The following ELFN2 variants were observed in gnomAD, a reference collection of about 807,000 sequenced individuals.
ELFN2 encodes protein phosphatase 1 regulatory subunit 29.
A neutral mutation model predicts 45.5 loss-of-function variants in ELFN2; 17 were observed. The ratio of observed to expected loss-of-function variants is 0.37; its 90% CI spans 0.26 to 0.56. The LOEUF is 0.56. Among genes scored for constraint, ELFN2 ranks in the 20% least tolerant of loss-of-function variants. ELFN2 has a pLI of 0.77. For missense variants in ELFN2, 922 were observed against 1,183.2 expected, an observed-to-expected ratio of 0.78 and a Z score of 3.24; for synonymous variants, 550 against 551.5, an observed-to-expected ratio of 1.00 and a Z score of 0.04.
intron 1 of ELFN2, among the ~76,000 whole-genome samples, chr22:37,423,753 C>T (rs1932827825): frequency 6.6e-6 from 1 of 152,146 alleles, no homozygotes; most frequent in African/African-American, 2.4e-5. Flanking sequence ...TCTGGCACCC[C>T]AGGCATAAGC....
At chr22:37,407,462 G>A (rs928430472) in intron 2 of ELFN2, among the ~76,000 whole-genome samples, 2 of 152,174 alleles carry the variant, frequency 1.3e-5, no homozygotes, top group African/African-American at 4.8e-5. Context: ...GGGGGAGCCA[G>A]GGAGTCAACA....
At chr22:37,392,774 G>A (rs1329023786) in intron 2 of ELFN2, among the ~76,000 whole-genome samples, 3 of 152,060 alleles carry the variant, frequency 2.0e-5, no homozygotes, top group Admixed American at 6.5e-5. Flanking sequence ...CACTCTCAGT[G>A]GCTGCTAGAG....
intron 2 of ELFN2, among the ~76,000 whole-genome samples, chr22:37,382,302 TTTC>T: frequency 1.3e-5 from 2 of 152,144 alleles, no homozygotes; most frequent in Non-Finnish European, 2.9e-5. Context: ...TCCTTTTTTT[TTTC>T]CTTTTCTTTG....
intron 1 of ELFN2, among the ~76,000 whole-genome samples, chr22:37,348,437 C>T (rs1930746074): frequency 7.2e-6 from 1 of 138,796 alleles, no homozygotes; most frequent in African/African-American, 2.5e-5. Flanking sequence ...CTTCCTGAGA[C>T]ATGAAAGGAG....
Position 37,374,494 on chromosome 22 carries a change from C to T in ELFN2, c.1041G>A (p.Thr347=), listed in dbSNP as rs759468646. 9 of 1,614,108 alleles carry T rather than the reference C, an allele frequency of 5.6e-6. No homozygotes were observed. The highest frequency in any genetic ancestry group is 4.4e-5 in the South Asian group (4 of 91,088). ...CAGTGTGCGCCCGCAGTTTGTCCAG[C>T]GTCACGATCTCCTTCTTGTTCTTGA... ...MTLKNKKEIV[T]LDKLRAHTEY... The change falls in exon 3 of 3, where the codon ACG becomes ACA. Residue 347 remains threonine (T), a synonymous_variant. Transcript: ENST00000402918.
At chr22:37,344,239 C>T (rs1222976616) in intron 1 of ELFN2, among the ~76,000 whole-genome samples, 2 of 149,960 alleles carry the variant, frequency 1.3e-5, no homozygotes, top group Non-Finnish European at 3.0e-5. Context: ...TGCCCATGCC[C>T]ACCTGCCCAC....
At chr22:37,382,813 A>C (rs1177335762) in intron 2 of ELFN2, among the ~76,000 whole-genome samples, 1 of 152,150 alleles carries the variant, frequency 6.6e-6, no homozygotes, top group African/African-American at 2.4e-5. Context: ...ACGACTACCA[A>C]AGTGCTGGGA....
intron 2 of ELFN2, among the ~76,000 whole-genome samples, chr22:37,407,840 A>G (rs1932543881): frequency 6.6e-6 from 1 of 151,946 alleles, no homozygotes. Context: ...GCTTGCAGTA[A>G]GCCGAGATCG....
chr22:37,414,311 C>G (rs1489105124), intron 2 of ELFN2, among the ~76,000 whole-genome samples: 1 of 151,974 alleles, frequency 6.6e-6, no homozygotes, highest in Non-Finnish European at 1.5e-5. Context: ...ATAGGGTGCT[C>G]GGGAGGACTT....
In ELFN2 at chr22:37,399,990, C is replaced by T. The variant is rs561211686; in HGVS notation, c.-463+17779G>A. On this transcript the variant is annotated intron_variant, in intron 2 of 2. Coordinates refer to ENST00000402918, the MANE Select transcript of ELFN2 (RefSeq NM_052906.5). ...GAAACTGAGGCACAGAGAAGGGAAA[C>T]AACTGCCCAAAGCCAGGCTGCTGCA... Among the ~76,000 whole-genome samples, 4 of 152,296 alleles carry T rather than the reference C, an allele frequency of 2.6e-5. No homozygotes were observed. In the South Asian group the frequency reaches 8.3e-4, roughly 32 times the overall value.
intron 2 of ELFN2, among the ~76,000 whole-genome samples, chr22:37,376,441 C>T (rs1156752326): frequency 1.3e-5 from 2 of 152,140 alleles, no homozygotes; most frequent in Admixed American, 1.3e-4. Context: ...AATCTGCACA[C>T]GACAAGCAGG....
chr22:37,424,158 G>A (rs1932830918), intron 1 of ELFN2, among the ~76,000 whole-genome samples: 1 of 152,052 alleles, frequency 6.6e-6, no homozygotes, highest in Non-Finnish European at 1.5e-5. Context: ...GGCCGGAGCA[G>A]GTGAGGGTAG....
At chr22:37,358,545 AT>A (rs1324809097) in intron 1 of ELFN2, among the ~76,000 whole-genome samples, 1 of 152,198 alleles carries the variant, frequency 6.6e-6, no homozygotes, top group African/African-American at 2.4e-5. Context: ...GATACAACCG[AT>A]TCTAAAGGAG....
At chr22:37,405,089 CATTT>C (rs1238863405) in intron 2 of ELFN2, among the ~76,000 whole-genome samples, 2 of 121,534 alleles carry the variant, frequency 1.6e-5, no homozygotes, top group Admixed American at 8.8e-5. Context: ...TGAACCTCAG[CATTT>C]TTTTTTTTTT....
Position 37,373,525 on chromosome 22 carries a change from G to A in ELFN2, c.2010C>T (p.Leu670=). ...DSKYIEKGSP[L]NSPLDRLPLV... is the part of the protein sequence containing the mutation. ...GCGGGAGCCGGTCCAGCGGGCTGTT[G>A]AGGGGGCTGCCCTTCTCGATGTACT... Residue 670 remains leucine (L), a synonymous_variant, in exon 3 of 3, where the codon CTC becomes CTT. Transcript: ENST00000402918. 4 of 1,573,202 alleles carry A rather than the reference G, an allele frequency of 2.5e-6. No homozygotes were observed. The highest frequency in any genetic ancestry group is 3.4e-6 in the Non-Finnish European group (4 of 1,161,494).
intron 2 of ELFN2, among the ~76,000 whole-genome samples, chr22:37,404,961 C>G (rs1932457915): frequency 6.6e-6 from 1 of 152,200 alleles, no homozygotes; most frequent in South Asian, 2.1e-4. Flanking sequence ...CCCAGAGACA[C>G]AGGAGTTCCA....
chr22:37,396,941 C>CT (rs1932228437), intron 2 of ELFN2, among the ~76,000 whole-genome samples: 1 of 152,166 alleles, frequency 6.6e-6, no homozygotes, highest in Non-Finnish European at 1.5e-5. Context: ...CAGGGATCTC[C>CT]TTTTTTTCCA....
intron 2 of ELFN2, among the ~76,000 whole-genome samples, chr22:37,406,706 C>T (rs1932510397): frequency 6.6e-6 from 1 of 152,266 alleles, no homozygotes; most frequent in African/African-American, 2.4e-5. Context: ...GGCATTAGGG[C>T]AGACTTCCTG....
At chr22:37,394,605 C>A (rs1017143118) in intron 2 of ELFN2, among the ~76,000 whole-genome samples, 1 of 152,232 alleles carries the variant, frequency 6.6e-6, no homozygotes, top group East Asian at 1.9e-4. Context: ...GCTCCCGCCC[C>A]GGCACACAGT....
Sources: gnomAD v4.1 joint callset for allele counts (sites outside exome capture counted in the v4.1 genomes callset) on GRCh38, gnomAD v4.1.1 for gene constraint, MANE v1.5 for transcripts, NCBI Gene and HGNC (gene_info 2026-07-23, HGNC 2026-07-21) for gene names.